Variants in CACNA1D observed in about 807,000 individuals in gnomAD.
CACNA1D encodes calcium voltage-gated channel subunit alpha1 D.
Under a neutral mutation model 257.1 loss-of-function variants are expected in CACNA1D, and 55 were observed. The observed-to-expected ratio is 0.21, with a 90% CI of 0.17 to 0.27. The LOEUF is 0.27. CACNA1D is among the 10% of genes least tolerant of loss of function. The pLI is 1.00. For missense variants in CACNA1D, 1,876 were observed against 2,784.0 expected (o/e 0.67, Z 7.34); for synonymous variants, 980 against 1,014.9 (o/e 0.97, Z 0.65).
intron 40 of CACNA1D, 133 bp downstream of exon 40, chr3:53,787,085 C>A: frequency 3.3e-6 from 3 of 897,806 alleles, no homozygotes; most frequent in South Asian, 1.5e-5. Context: ...ACTACACACT[C>A]CCCCAAATGT....
At position 53,691,855 on chromosome 3, in the gene CACNA1D, A is replaced by ATT. The variant is rs1483249136; in HGVS notation, c.1221-10786_1221-10785insTT. Among the ~76,000 whole-genome samples, 264 of 104,246 alleles carry ATT rather than the reference A, an allele frequency of 2.5e-3. 15 individuals carry two copies. In the East Asian group the frequency reaches 0.049, roughly 19 times the overall value. 68.4% of individuals were successfully genotyped at this position (104,246 alleles called of 152,430 possible). A position where few individuals can be genotyped will look rare whatever the true frequency, so the allele number is the denominator to read the frequency against. ...AATATATATTACATATATAATATAT[A>ATT]ATATATATTATATATATTACATATA... On this transcript the variant is annotated intron_variant, in intron 8 of 47. Coordinates refer to ENST00000350061, the MANE Select transcript of CACNA1D (RefSeq NM_001128840.3).
intron 3 of CACNA1D, among the ~76,000 whole-genome samples, chr3:53,529,992 T>C (rs1256463149): frequency 2.6e-5 from 4 of 152,212 alleles, no homozygotes; most frequent in Non-Finnish European, 5.9e-5. Flanking sequence ...TGTTGAGTTA[T>C]TTTGCATAAA....
chr3:53,536,354 C>A (rs566859419), intron 3 of CACNA1D, among the ~76,000 whole-genome samples: 5 of 149,048 alleles, frequency 3.4e-5, no homozygotes, highest in Admixed American at 6.7e-5. Context: ...TGACCATTTA[C>A]TTTTTTTTTT....
At chr3:53,701,886 G>C (rs1328224683) in intron 8 of CACNA1D, among the ~76,000 whole-genome samples, 1 of 152,232 alleles carries the variant, frequency 6.6e-6, no homozygotes, top group African/African-American at 2.4e-5. Context: ...CAGGGCAGGT[G>C]TTCCTATAAA....
At chr3:53,555,713 C>T (rs2092632580) in intron 3 of CACNA1D, among the ~76,000 whole-genome samples, 2 of 152,058 alleles carry the variant, frequency 1.3e-5, no homozygotes, top group Admixed American at 1.3e-4. Flanking sequence ...TCTTTAAACC[C>T]TGTTTGCATC....
rs2092450368 is a variant in CACNA1D at position 53,548,054 on chromosome 3, C to A, written c.483+46334C>A. Among the ~76,000 whole-genome samples the A allele has an allele frequency of 4.6e-5, 7 of 152,132 alleles. No individual in the cohort carries two copies. The South Asian group carries it at 1.5e-3, about 32-fold the overall frequency. ...GGTGGAAGGCAGGTCTGGCTTGTCC[C>A]CACTTCCATCAAGGAGTAGAGGTGA... is the stretch of plus-strand genomic sequence containing the variant. On this transcript the variant is annotated intron_variant, in intron 3 of 47. Transcript: ENST00000350061.
chr3:53,708,040 C>T (rs1022134329), intron 9 of CACNA1D, among the ~76,000 whole-genome samples: 11 of 152,206 alleles, frequency 7.2e-5, no homozygotes, highest in South Asian at 6.2e-4. Flanking sequence ...CCTGCCTGCC[C>T]GGGGACTCTG....
chr3:53,743,993 A>G (rs1004498110), intron 22 of CACNA1D, among the ~76,000 whole-genome samples: 1 of 151,596 alleles, frequency 6.6e-6, no homozygotes, highest in Non-Finnish European at 1.5e-5. Flanking sequence ...GCTCCTATTA[A>G]CTCCCAGGCT....
At chr3:53,677,266 G>T (rs1243402805) in intron 8 of CACNA1D, among the ~76,000 whole-genome samples, 1 of 152,094 alleles carries the variant, frequency 6.6e-6, no homozygotes, top group Non-Finnish European at 1.5e-5. Context: ...CCAGGATGTG[G>T]CTCCAACCCC....
At chr3:53,625,101 A>G (rs1017617009) in intron 3 of CACNA1D, among the ~76,000 whole-genome samples, 2 of 152,152 alleles carry the variant, frequency 1.3e-5, no homozygotes, top group Non-Finnish European at 2.9e-5. Flanking sequence ...AATCCCTGGT[A>G]GCAGGCAGAG....
At chr3:53,583,333 T>C (rs1422025767) in intron 3 of CACNA1D, among the ~76,000 whole-genome samples, 1 of 152,030 alleles carries the variant, frequency 6.6e-6, no homozygotes, top group Non-Finnish European at 1.5e-5. Flanking sequence ...TGACCCTCCT[T>C]ATTAAGCACA....
intron 3 of CACNA1D, among the ~76,000 whole-genome samples, chr3:53,636,081 G>A (rs1283117273): frequency 2.0e-5 from 3 of 152,178 alleles, no homozygotes; most frequent in Non-Finnish European, 4.4e-5. Context: ...TAACTTCAGG[G>A]TTTTTGTGGA....
intron 40 of CACNA1D, among the ~76,000 whole-genome samples, chr3:53,795,612 G>A (rs1576692247): frequency 1.3e-5 from 2 of 152,246 alleles, no homozygotes; most frequent in East Asian, 3.8e-4. Context: ...CTGGTATAAA[G>A]ATGCTATCAG....
chr3:53,531,018 A>ATTTT (rs11328561), intron 3 of CACNA1D, among the ~76,000 whole-genome samples: 1 of 118,900 alleles, frequency 8.4e-6, no homozygotes, highest in African/African-American at 3.1e-5. Context: ...GCTAATTTTA[A>ATTTT]TTTTTTTTTT....
intron 21 of CACNA1D, among the ~76,000 whole-genome samples, chr3:53,741,785 T>TG (rs1337122402): frequency 2.6e-5 from 4 of 152,228 alleles, no homozygotes; most frequent in Non-Finnish European, 5.9e-5. Context: ...TCAAAGTGAA[T>TG]GGGGAGCTGT....
chr3:53,635,915 G>A (rs73840161), intron 3 of CACNA1D, among the ~76,000 whole-genome samples: 2,561 of 152,264 alleles, frequency 0.017, 80 homozygotes, highest in African/African-American at 0.058. Flanking sequence ...CTGAGTCTCC[G>A]TTTCCTTAGC....
At chr3:53,541,512 T>G (rs2092296248) in intron 3 of CACNA1D, among the ~76,000 whole-genome samples, 1 of 152,190 alleles carries the variant, frequency 6.6e-6, no homozygotes, top group African/African-American at 2.4e-5. Flanking sequence ...CGGAGAAGCC[T>G]GTTCTAGTGA....
chr3:53,781,433 C>T, intron 38 of CACNA1D, 133 bp from the exon 39 acceptor site: 2 of 698,130 alleles, frequency 2.9e-6, no homozygotes, highest in Admixed American at 2.1e-5. Context: ...CTGGGGAGAG[C>T]CTGGTGGGAG....
At chr3:53,670,427 C>T (rs2094311443) in intron 7 of CACNA1D, among the ~76,000 whole-genome samples, 1 of 152,150 alleles carries the variant, frequency 6.6e-6, no homozygotes, top group Admixed American at 6.5e-5. Context: ...TCACTGCAAC[C>T]TCTGCCTCCG....
Sources: allele counts gnomAD v4.1 joint callset (sites outside exome capture counted in the v4.1 genomes callset), GRCh38; gene constraint gnomAD v4.1.1; transcripts MANE v1.5; gene names NCBI Gene and HGNC (gene_info 2026-07-23, HGNC 2026-07-21).